Variants in ARHGEF33 observed in about 807,000 individuals in gnomAD.
The protein encoded by ARHGEF33 is Rho guanine nucleotide exchange factor 33.
ARHGEF33 carries 72 observed loss-of-function variants against 101.9 expected under a neutral mutation model. The ratio of observed to expected loss-of-function variants is 0.71; its 90% CI spans 0.58 to 0.86. The LOEUF (loss-of-function observed/expected upper bound fraction) is 0.86, where lower values mean the gene tolerates loss of function less well. Among genes scored for constraint, ARHGEF33 ranks in the 40% least tolerant of loss-of-function variants. The probability of loss-of-function intolerance (pLI) is 0.00; values close to 1 mark genes in which losing one functional copy is unlikely to be tolerated. For synonymous variants in ARHGEF33, 499 were observed against 442.5 expected (o/e 1.13, Z -1.60); for missense variants, 1,169 against 1,111.3 (o/e 1.05, Z -0.74).
At chr2:38,950,313 G>C (rs1488012710) in intron 10 of ARHGEF33, among the ~76,000 whole-genome samples, 1 of 152,166 alleles carries the variant, frequency 6.6e-6, no homozygotes, top group Non-Finnish European at 1.5e-5. Context: ...ACACTAATTA[G>C]AATAGACTAT....
intron 1 of ARHGEF33, among the ~76,000 whole-genome samples, chr2:38,894,406 A>C (rs1666075104): frequency 7.9e-6 from 1 of 126,698 alleles, no homozygotes; most frequent in Non-Finnish European, 1.7e-5. Context: ...GATTGAGTTA[A>C]TCTGTATATG....
At chr2:38,945,658 C>T (rs1667428468) in intron 10 of ARHGEF33, among the ~76,000 whole-genome samples, 2 of 152,216 alleles carry the variant, frequency 1.3e-5, no homozygotes, top group African/African-American at 4.8e-5. Context: ...AGGCGGTGTA[C>T]CCTTTGGTGT....
rs77956557 is a variant in ARHGEF33, at chr2:38,931,838, C to T, written c.505+587C>T. On this transcript the variant is annotated intron_variant, in intron 7 of 17. Transcript: ENST00000409978. Reference sequence around the variant, plus strand: ...GTATCCTCAACCATGTCTAGCAAAGCACCTATACACAGAAAAATAAATGTA... The same window carrying T: ...GTATCCTCAACCATGTCTAGCAAAGTACCTATACACAGAAAAATAAATGTA... 5.9e-5 allele frequency among the ~76,000 whole-genome samples: 9 copies of T among 152,298 alleles called. No homozygotes were observed. The East Asian group carries it at 1.7e-3, about 29-fold the overall frequency.
At chr2:38,929,957 C>T (rs147170388) in intron 6 of ARHGEF33, 127 bp downstream of exon 6, 10 of 712,944 alleles carry the variant, frequency 1.4e-5, no homozygotes, top group East Asian at 8.5e-5. Context: ...GCTTGGCATG[C>T]GATGGAGGTT....
intron 7 of ARHGEF33, among the ~76,000 whole-genome samples, chr2:38,934,282 C>G (rs1259049625): frequency 6.6e-6 from 1 of 152,126 alleles, no homozygotes; most frequent in Non-Finnish European, 1.5e-5. Flanking sequence ...TCTTTGATTC[C>G]TCATCACCCT....
chr2:38,972,561 C>T (rs2278912), intron 17 of ARHGEF33, among the ~76,000 whole-genome samples: 143,439 of 152,304 alleles, frequency 0.94, 67,648 homozygotes, highest in African/African-American at 0.98. Context: ...AGTGAAAATA[C>T]CTAGTCAGTC....
At chr2:38,928,118 C>G (rs1261831952) in intron 4 of ARHGEF33, among the ~76,000 whole-genome samples, 1 of 152,164 alleles carries the variant, frequency 6.6e-6, no homozygotes, top group Non-Finnish European at 1.5e-5. Context: ...GATGAGGAAA[C>G]TGCTACAAAA....
In ARHGEF33 at chr2:38,928,783, T is replaced by C. The variant is rs1666929675; in HGVS notation, c.76-124T>C. On this transcript the variant is annotated intron_variant, in intron 4 of 17. Transcript: ENST00000409978. ...TTAAGTTGTCCAAAGTGAAGTACAC[T>C]AGTAAATGAGGTCTGTAGATTTTCA... The C allele has an allele frequency of 1.4e-5, 12 of 842,290 alleles. No homozygotes were observed. The South Asian group carries it at 2.2e-4, about 15-fold the overall frequency. 52.2% of individuals were successfully genotyped at this position (842,290 alleles called of 1,614,324 possible).
intron 3 of ARHGEF33, among the ~76,000 whole-genome samples, chr2:38,920,274 G>A (rs1666725708): frequency 6.6e-6 from 1 of 152,096 alleles, no homozygotes; most frequent in Non-Finnish European, 1.5e-5. Flanking sequence ...TAAGCAACGA[G>A]CTGAATGTTT....
chr2:38,974,439 G>A lies in ARHGEF33; in HGVS notation c.*596G>A, dbSNP rs192118461. On this transcript the variant is annotated 3_prime_UTR_variant, in exon 18 of 18. Coordinates refer to ENST00000409978, the MANE Select transcript of ARHGEF33 (RefSeq NM_001145451.5). ...TTGTGCTTAAACCATGATTCAGAAG[G>A]TTCAAAGCTTAAAAACACATTGATC... 11 of 152,312 alleles carry A rather than the reference G, an allele frequency of 7.2e-5. No individual in the cohort carries two copies. In the East Asian group the frequency reaches 9.6e-4, roughly 13 times the overall value. 9.4% of individuals were successfully genotyped at this position (152,312 alleles called of 1,614,324 possible).
intron 2 of ARHGEF33, among the ~76,000 whole-genome samples, chr2:38,905,058 G>C (rs1033074634): frequency 6.6e-6 from 1 of 152,158 alleles, no homozygotes; most frequent in Non-Finnish European, 1.5e-5. Context: ...CCTGAAGGGG[G>C]AGCCTGGAAA....
At position 38,928,954 on chromosome 2, in the gene ARHGEF33, G is replaced by T; in HGVS notation, c.123G>T (p.Met41Ile). 1 of 1,551,386 alleles carries T rather than the reference G, an allele frequency of 6.4e-7. No homozygotes were observed. The change falls in exon 5 of 18, where the codon ATG (methionine) becomes ATT (isoleucine). Residue 41 changes from methionine to isoleucine, a missense_variant. Coordinates refer to ENST00000409978, the MANE Select transcript of ARHGEF33 (RefSeq NM_001145451.5). ...TCAAAACTGGTTTCACAGAAGCAATGCAAGAACTGTCAAGAATTCAACATG... is the reference window on the plus strand; with the variant it reads ...TCAAAACTGGTTTCACAGAAGCAATTCAAGAACTGTCAAGAATTCAACATG... ...SELKTGFTEA[M>I]QELSRIQHGE...
chr2:38,974,382 T>G lies in ARHGEF33; in HGVS notation c.*539T>G, dbSNP rs1016004821. 1 of 152,256 alleles carries G rather than the reference T, an allele frequency of 6.6e-6. No homozygotes were observed. The highest frequency in any genetic ancestry group is 1.5e-5 in the Non-Finnish European group (1 of 68,052). 9.4% of individuals were successfully genotyped at this position (152,256 alleles called of 1,614,324 possible). On this transcript the variant is annotated 3_prime_UTR_variant, in exon 18 of 18. Transcript: ENST00000409978. ...AAAGGATTAATTAACAGAACTGTAT[T>G]TTATATGTTGCATATCTGAGTTATG...
chr2:38,895,739 A>G (rs1558421329), intron 1 of ARHGEF33, 38 bp from the exon 2 acceptor site: 1 of 151,638 alleles, frequency 6.6e-6, no homozygotes, highest in African/African-American at 2.4e-5. Context: ...CAAGGTAGCT[A>G]TCATTATCAA....
rs1486198743 is a variant in ARHGEF33 at position 38,960,368 on chromosome 2, G to A, written c.2063G>A (p.Ser688Asn). The A allele has an allele frequency of 6.6e-7, 1 of 1,525,080 alleles. No individual in the cohort carries two copies. Among genetic ancestry groups the A allele is most frequent in the African/African-American group, 1.4e-5 (1 of 72,238 alleles). 94.5% of individuals were successfully genotyped at this position (1,525,080 alleles called of 1,614,324 possible). ...GCTACGTCGCCGGCGGGCAGCAGCA[G>A]CGCCTACAAACTGGAGGCGGCGGCG... ...KSATSPAGSS[S>N]AYKLEAAAQA... is the part of the protein sequence containing the mutation. Residue 688 changes from serine (S) to asparagine (N), a missense_variant, in exon 16 of 18, where the codon AGC (serine) becomes AAC (asparagine). Physicochemically the swap from Ser to Asn is conservative, Grantham distance 46. Coordinates refer to ENST00000409978, the MANE Select transcript of ARHGEF33 (RefSeq NM_001145451.5).
intron 10 of ARHGEF33, among the ~76,000 whole-genome samples, chr2:38,946,564 T>C (rs989318485): frequency 1.3e-5 from 2 of 152,190 alleles, no homozygotes; most frequent in African/African-American, 4.8e-5. Context: ...ATTTTCATTA[T>C]CCTCCTCCAC....
At chr2:38,939,458 C>A (rs940274486) in intron 9 of ARHGEF33, among the ~76,000 whole-genome samples, 6 of 152,150 alleles carry the variant, frequency 3.9e-5, no homozygotes, top group East Asian at 1.9e-4. Context: ...TGTTTGAGAG[C>A]CCAGTTGCTT....
chr2:38,931,013 T>C, intron 6 of ARHGEF33, 96 bp from the exon 7 acceptor site: 1 of 962,060 alleles, frequency 1.0e-6, no homozygotes, highest in East Asian at 2.8e-5. Flanking sequence ...AACCTAATAA[T>C]TCAGACATTT....
At chr2:38,907,935 T>C (rs1666427870) in intron 2 of ARHGEF33, among the ~76,000 whole-genome samples, 1 of 151,528 alleles carries the variant, frequency 6.6e-6, no homozygotes, top group Non-Finnish European at 1.5e-5. Context: ...CATGACTCAC[T>C]GCAGCCTTGA....
Sources: gnomAD v4.1 joint callset for allele counts (sites outside exome capture counted in the v4.1 genomes callset) on GRCh38, gnomAD v4.1.1 for gene constraint, MANE v1.5 for transcripts, NCBI Gene and HGNC (gene_info 2026-07-23, HGNC 2026-07-21) for gene names.